The following DROSHA variants were observed in gnomAD, a reference collection of about 807,000 sequenced individuals.
The protein encoded by DROSHA is ribonuclease 3.
A neutral mutation model predicts 181.9 loss-of-function variants in DROSHA; 56 were observed. That is an observed-to-expected ratio of 0.31 (90% CI 0.25 to 0.38). The LOEUF is 0.38. DROSHA is among the 10% of genes least tolerant of loss of function. The pLI, the probability that DROSHA is intolerant of heterozygous loss-of-function variation, is 1.00. For synonymous variants in DROSHA, 524 were observed against 591.2 expected (o/e 0.89, Z 1.65); for missense variants, 1,218 against 1,743.5 (o/e 0.70, Z 5.37).
chr5:31,426,424 AT>A (rs1222323551), intron 27 of DROSHA, among the ~76,000 whole-genome samples: 1 of 152,224 alleles, frequency 6.6e-6, no homozygotes, highest in Admixed American at 6.5e-5. Flanking sequence ...GTGAGAAAGA[AT>A]GAAGGTAAAT....
chr5:31,526,718 A>G lies in DROSHA; in HGVS notation c.215T>C (p.Leu72Pro). 1 of 1,557,082 alleles carries G rather than the reference A, an allele frequency of 6.4e-7. No homozygotes were observed. Among genetic ancestry groups the G allele is most frequent in the Non-Finnish European group, 8.7e-7 (1 of 1,155,288 alleles). The change falls in exon 5 of 36, where the codon CTC becomes CCC. Residue 72 changes from leucine (L) to proline (P), a missense_variant. Around this residue, in one of 8 missense-constraint regions of DROSHA, gnomAD observed 536 missense variants for 535.4 expected, o/e 1.00. Coordinates refer to ENST00000344624, the MANE Select transcript of DROSHA (RefSeq NM_001382508.1). ...GGGTACAAAGTCTGGTCGTGGAGGGAGAAAATTGGGGGCTGGAGAGTTTGA... is the reference window on the plus strand; with the variant it reads ...GGGTACAAAGTCTGGTCGTGGAGGGGGAAAATTGGGGGCTGGAGAGTTTGA... Reference protein sequence around the residue: ...TFSNSPAPNFLPPRPDFVPFP... With the variant: ...TFSNSPAPNFPPPRPDFVPFP...
At chr5:31,458,648 C>T (rs1747977495) in intron 20 of DROSHA, among the ~76,000 whole-genome samples, 1 of 152,158 alleles carries the variant, frequency 6.6e-6, no homozygotes, top group Admixed American at 6.5e-5. Context: ...CAACAGAACA[C>T]TCTATGATGA....
At chr5:31,487,980 G>A (rs1165935307) in intron 13 of DROSHA, among the ~76,000 whole-genome samples, 1 of 152,156 alleles carries the variant, frequency 6.6e-6, no homozygotes, top group Non-Finnish European at 1.5e-5. Context: ...AGGTAAAGAT[G>A]TGTAAGAAGA....
intron 10 of DROSHA, among the ~76,000 whole-genome samples, chr5:31,507,291 T>A (rs551537844): frequency 4.0e-5 from 6 of 151,892 alleles, no homozygotes; most frequent in Non-Finnish European, 8.8e-5. Flanking sequence ...AGAAACCCTA[T>A]CTCTACTAAA....
Position 31,410,772 on chromosome 5 carries a change from G to A in DROSHA, c.3641C>T (p.Thr1214Ile). The part of the protein sequence containing the change: ...DKTKRPVALR[T>I]KTLADLLESF... ...TTCCAAAAGGTCCGCCAAGGTCTTG[G>A]TGCGAAGCGCCACAGGCCTCTTGGT... is the stretch of plus-strand genomic sequence containing the variant. The change falls in exon 31 of 36, where the codon ACC becomes ATC. Residue 1214 changes from threonine to isoleucine, a missense_variant. Transcript: ENST00000344624. The A allele has an allele frequency of 1.9e-6, 3 of 1,613,904 alleles. No individual in the cohort carries two copies. Among genetic ancestry groups the A allele is most frequent in the Non-Finnish European group, 1.7e-6 (2 of 1,179,806 alleles).
In DROSHA at chr5:31,449,564, C is replaced by CA. The variant is rs1275162857; in HGVS notation, c.2683-146dup. ...GCAACACAGTGAGACGCCATCTCTA[C>CA]AAAAAATAAAAAATTAGGCTGGTGT... On this transcript the variant is annotated intron_variant, in intron 21 of 35. Coordinates refer to ENST00000344624, the MANE Select transcript of DROSHA (RefSeq NM_001382508.1). 1.1e-5 allele frequency: 10 copies of CA among 898,568 alleles called. No homozygotes were observed. In the African/African-American group the frequency reaches 1.4e-4, roughly 12 times the overall value. 55.7% of individuals were successfully genotyped at this position (898,568 alleles called of 1,614,324 possible).
chr5:31,493,595 T>C (rs780686326), intron 12 of DROSHA, among the ~76,000 whole-genome samples: 2 of 152,222 alleles, frequency 1.3e-5, no homozygotes, highest in East Asian at 1.9e-4. Flanking sequence ...ACCAGTTCTG[T>C]TCTTAATGAA....
chr5:31,469,292 G>T (rs1221615522), intron 17 of DROSHA, among the ~76,000 whole-genome samples: 2 of 152,098 alleles, frequency 1.3e-5, no homozygotes, highest in Non-Finnish European at 2.9e-5. Context: ...GGGAGGCGGA[G>T]GTTGTAGTGA....
At chr5:31,500,936 T>C (rs1220902069) in intron 11 of DROSHA, among the ~76,000 whole-genome samples, 1 of 152,192 alleles carries the variant, frequency 6.6e-6, no homozygotes, top group Non-Finnish European at 1.5e-5. Flanking sequence ...AAACCAAGAA[T>C]GGATAACCAA....
At chr5:31,416,353 T>C (rs1003554838) in intron 30 of DROSHA, among the ~76,000 whole-genome samples, 2 of 152,242 alleles carry the variant, frequency 1.3e-5, no homozygotes, top group Admixed American at 1.3e-4. Flanking sequence ...TTGACTTAGC[T>C]GACTGCACAG....
At chr5:31,421,214 C>T in intron 30 of DROSHA, 58 bp downstream of exon 30, 1 of 1,374,456 alleles carries the variant, frequency 7.3e-7, no homozygotes, top group African/African-American at 1.4e-5. Context: ...TTTGACCCCT[C>T]TAATCTTCAC....
intron 11 of DROSHA, among the ~76,000 whole-genome samples, chr5:31,501,778 A>G (rs1753599365): frequency 6.6e-6 from 1 of 152,206 alleles, no homozygotes; most frequent in Admixed American, 6.5e-5. Flanking sequence ...AGAATGGTTC[A>G]CAGACATTTA....
At chr5:31,482,093 G>T (rs1021653334) in intron 16 of DROSHA, among the ~76,000 whole-genome samples, 2 of 152,210 alleles carry the variant, frequency 1.3e-5, no homozygotes, top group African/African-American at 4.8e-5. Context: ...CCCATGGGAA[G>T]ACAGGAGGCA....
At chr5:31,439,063 T>G (rs756851798) in intron 23 of DROSHA, among the ~76,000 whole-genome samples, 2 of 152,096 alleles carry the variant, frequency 1.3e-5, no homozygotes, top group African/African-American at 2.4e-5. Context: ...AGGCTATCTG[T>G]GAAGTGGTGG....
At chr5:31,404,753 C>T (rs1264415197) in intron 35 of DROSHA, among the ~76,000 whole-genome samples, 1 of 152,064 alleles carries the variant, frequency 6.6e-6, no homozygotes, top group African/African-American at 2.4e-5. Context: ...TCCTGGGAAC[C>T]TATTCCACAG....
chr5:31,525,546 C>CA (rs1740445017), intron 5 of DROSHA, among the ~76,000 whole-genome samples: 1 of 138,922 alleles, frequency 7.2e-6, no homozygotes, highest in African/African-American at 2.6e-5. Flanking sequence ...TGAAAACTAA[C>CA]TTTCATAATG....
At chr5:31,531,091 C>T (rs1485719262) in intron 2 of DROSHA, among the ~76,000 whole-genome samples, 167 bp from the exon 3 acceptor site, 1 of 152,126 alleles carries the variant, frequency 6.6e-6, no homozygotes, top group Non-Finnish European at 1.5e-5. Flanking sequence ...TGTCCCAGGC[C>T]CTGTAGACTC....
At position 31,472,040 on chromosome 5, in the gene DROSHA, AAT is replaced by A. The variant is rs1424569514; in HGVS notation, c.2241+21_2241+22del. The stretch of plus-strand genomic sequence containing the variant: ...GGAAAAGAAGGTCCTCCAGCCTCTG[AAT>A]ATACAGACACCAGAACATACCGTCC... On this transcript the variant is annotated intron_variant, in intron 17 of 35. Coordinates refer to ENST00000344624, the MANE Select transcript of DROSHA (RefSeq NM_001382508.1). The A allele has an allele frequency of 5.6e-6, 9 of 1,593,798 alleles. No individual in the cohort carries two copies. The East Asian group carries it at 1.8e-4, about 32-fold the overall frequency.
intron 18 of DROSHA, 171 bp downstream of exon 18, chr5:31,467,768 T>C (rs1580196868): frequency 4.7e-6 from 4 of 852,002 alleles, no homozygotes; most frequent in Non-Finnish European, 5.0e-6. Flanking sequence ...CAGAAAATAA[T>C]TCTTCAGGAG....
Sources: gnomAD v4.1 joint callset for allele counts (sites outside exome capture counted in the v4.1 genomes callset) on GRCh38, gnomAD v4.1.1 for gene constraint, gnomAD v4.1.1 regional missense constraint, MANE v1.5 for transcripts, NCBI Gene and HGNC (gene_info 2026-07-23, HGNC 2026-07-21) for gene names.